The following SERGEF variants were observed in gnomAD, a reference collection of about 807,000 sequenced individuals.
The protein encoded by SERGEF is secretion regulating guanine nucleotide exchange factor.
A neutral mutation model predicts 50.0 loss-of-function variants in SERGEF; 51 were observed. The observed-to-expected ratio is 1.02, with a 90% CI of 0.81 to 1.29. SERGEF has a LOEUF of 1.29. Among genes scored for constraint, SERGEF ranks in the 50% most tolerant of loss-of-function variants. The pLI, the probability that SERGEF is intolerant of heterozygous loss-of-function variation, is 0.00. For synonymous variants in SERGEF, 205 were observed against 212.4 expected, an observed-to-expected ratio of 0.97 and a Z score of 0.30; for missense variants, 521 against 557.0, an observed-to-expected ratio of 0.94 and a Z score of 0.65.
chr11:17,895,621 G>C (rs1053936148), intron 9 of SERGEF, among the ~76,000 whole-genome samples: 2 of 152,140 alleles, frequency 1.3e-5, no homozygotes, highest in Non-Finnish European at 2.9e-5. Flanking sequence ...TTCAGGTTCT[G>C]TTCTGGGTGA....
intron 10 of SERGEF, chr11:17,856,727 A>G (rs969971607): frequency 5.9e-5 from 9 of 152,190 alleles, no homozygotes; most frequent in African/African-American, 1.7e-4. Context: ...TGTATGTAAA[A>G]TGTGTAAAAC....
chr11:17,861,513 T>C (rs1011383834), intron 10 of SERGEF, among the ~76,000 whole-genome samples: 1 of 152,256 alleles, frequency 6.6e-6, no homozygotes, highest in Non-Finnish European at 1.5e-5. Flanking sequence ...ATTTCCCCAC[T>C]GTACAGTAGG....
chr11:17,904,113 G>A (rs1043003569), intron 9 of SERGEF, among the ~76,000 whole-genome samples: 1 of 152,216 alleles, frequency 6.6e-6, no homozygotes, highest in East Asian at 1.9e-4. Flanking sequence ...GAGGGAAGAG[G>A]AGAAAATGCA....
At chr11:17,901,785 T>A (rs966452093) in intron 9 of SERGEF, among the ~76,000 whole-genome samples, 5 of 152,240 alleles carry the variant, frequency 3.3e-5, no homozygotes, top group Non-Finnish European at 5.9e-5. Flanking sequence ...TTTTCTTCCA[T>A]GACAGCTGTT....
chr11:17,993,765 C>T (rs1245395699), intron 6 of SERGEF, among the ~76,000 whole-genome samples: 1 of 152,110 alleles, frequency 6.6e-6, no homozygotes, highest in East Asian at 1.9e-4. Flanking sequence ...CCCATGTTCA[C>T]CAGAGAGGAA....
intron 10 of SERGEF, among the ~76,000 whole-genome samples, chr11:17,793,992 G>A (rs1390919508): frequency 1.3e-5 from 2 of 152,216 alleles, no homozygotes; most frequent in Non-Finnish European, 2.9e-5. Context: ...GAGCTTCTTG[G>A]CAACTAAGTC....
chr11:17,982,736 A>G (rs898997515), intron 8 of SERGEF, among the ~76,000 whole-genome samples: 14 of 152,220 alleles, frequency 9.2e-5, no homozygotes, highest in Non-Finnish European at 1.5e-4. Context: ...TTAGACATCA[A>G]ATGCAATAAA....
chr11:17,870,369 G>A (rs1486697332), intron 10 of SERGEF, among the ~76,000 whole-genome samples: 1 of 152,238 alleles, frequency 6.6e-6, no homozygotes, highest in Non-Finnish European at 1.5e-5. Flanking sequence ...AGGCAGAAGA[G>A]TCAGTGTCAG....
At chr11:17,890,249 G>A (rs1173872384) in intron 9 of SERGEF, among the ~76,000 whole-genome samples, 1 of 152,158 alleles carries the variant, frequency 6.6e-6, no homozygotes, top group Non-Finnish European at 1.5e-5. Flanking sequence ...GTTTCATACA[G>A]GAGAACTGAG....
chr11:17,826,112 C>A (rs952176002), intron 10 of SERGEF, among the ~76,000 whole-genome samples: 54 of 152,210 alleles, frequency 3.5e-4, no homozygotes, highest in African/African-American at 1.3e-3. Context: ...CAAAAGCCTA[C>A]ATATAAGGGC....
intron 9 of SERGEF, among the ~76,000 whole-genome samples, chr11:17,942,056 ATTC>A (rs1308152950): frequency 6.6e-6 from 1 of 152,152 alleles, no homozygotes; most frequent in Non-Finnish European, 1.5e-5. Flanking sequence ...TTGCAACTTC[ATTC>A]TTCTTTTCCA....
intron 8 of SERGEF, among the ~76,000 whole-genome samples, chr11:17,970,082 G>C (rs564793164): frequency 6.6e-6 from 1 of 152,254 alleles, no homozygotes; most frequent in South Asian, 2.1e-4. Flanking sequence ...GAAAAGTATA[G>C]GCATACTTCA....
At chr11:17,796,573 C>G (rs1248806941) in intron 10 of SERGEF, among the ~76,000 whole-genome samples, 2 of 152,166 alleles carry the variant, frequency 1.3e-5, no homozygotes, top group Non-Finnish European at 2.9e-5. Context: ...GAAGGTCTTC[C>G]CCAGATGTGG....
At chr11:17,851,555 G>A (rs1161132792) in intron 10 of SERGEF, among the ~76,000 whole-genome samples, 1 of 152,088 alleles carries the variant, frequency 6.6e-6, no homozygotes, top group Non-Finnish European at 1.5e-5. Context: ...AGAAGGCAAG[G>A]GACAGACAGG....
chr11:17,883,905 C>G (rs373018791), intron 9 of SERGEF, among the ~76,000 whole-genome samples: 12 of 135,974 alleles, frequency 8.8e-5, no homozygotes, highest in Non-Finnish European at 3.3e-5. Context: ...GGCGACAGAA[C>G]GCCGCCAGAT....
chr11:17,957,410 C>T (rs1405670292), intron 9 of SERGEF, among the ~76,000 whole-genome samples: 2 of 152,150 alleles, frequency 1.3e-5, no homozygotes, highest in South Asian at 2.1e-4. Flanking sequence ...GCCAATAGAA[C>T]TAGAGACTCG....
At chr11:17,828,662 T>C (rs1554999011) in intron 10 of SERGEF, among the ~76,000 whole-genome samples, 1 of 152,214 alleles carries the variant, frequency 6.6e-6, no homozygotes, top group Non-Finnish European at 1.5e-5. Context: ...AAAGCCTAAG[T>C]TCCTGACTCC....
chr11:17,958,870 T>C (rs1445381405), intron 9 of SERGEF, among the ~76,000 whole-genome samples: 7 of 152,146 alleles, frequency 4.6e-5, no homozygotes, highest in Non-Finnish European at 8.8e-5. Flanking sequence ...TTTTTTGTTT[T>C]TGTTTTTGAG....
chr11:17,961,239 C>G (rs1852990303), intron 8 of SERGEF, among the ~76,000 whole-genome samples: 2 of 152,190 alleles, frequency 1.3e-5, no homozygotes. Flanking sequence ...TTATTAAGCA[C>G]TAGTCACTGC....
Sources: allele counts gnomAD v4.1 joint callset (sites outside exome capture counted in the v4.1 genomes callset), GRCh38; gene constraint gnomAD v4.1.1; transcripts MANE v1.5; gene names NCBI Gene and HGNC (gene_info 2026-07-23, HGNC 2026-07-21).